LRMDA: variants seen among roughly 807,000 people sequenced by gnomAD.
The protein encoded by LRMDA is leucine-rich melanocyte differentiation-associated protein.
LRMDA carries 18 observed loss-of-function variants against 29.8 expected under a neutral mutation model. The ratio of observed to expected loss-of-function variants is 0.60; its 90% CI spans 0.42 to 0.90. The LOEUF (loss-of-function observed/expected upper bound fraction) is 0.90. Ranked by LOEUF, LRMDA falls within the 40% of genes least tolerant of loss-of-function variation. The probability of loss-of-function intolerance (pLI) is 0.00; values close to 1 mark genes in which losing one functional copy is unlikely to be tolerated. For missense variants in LRMDA, 273 were observed against 273.9 expected (o/e 1.00, Z 0.02); for synonymous variants, 125 against 109.4 (o/e 1.14, Z -0.89).
intron 2 of LRMDA, among the ~76,000 whole-genome samples, chr10:75,476,449 G>A (rs886868716): frequency 3.3e-5 from 5 of 152,122 alleles, no homozygotes; most frequent in Non-Finnish European, 5.9e-5. Flanking sequence ...TAGTGGTGCA[G>A]CCATCCTCCT....
intron 5 of LRMDA, among the ~76,000 whole-genome samples, chr10:76,156,555 G>A (rs1248914656): frequency 1.4e-5 from 2 of 144,288 alleles, no homozygotes; most frequent in East Asian, 4.2e-4. Flanking sequence ...ATGACAGGAA[G>A]AGTTGCTGAA....
chr10:76,148,367 A>T lies in LRMDA; in HGVS notation c.516+89584A>T, dbSNP rs150723001. On this transcript the variant is annotated intron_variant, in intron 5 of 6. Coordinates refer to ENST00000611255, the MANE Select transcript of LRMDA (RefSeq NM_001305581.2). ...AGCTTCCCGGCTGCTTTGTTTACCT[A>T]ATCAAACAACTAACTGGGCAATGGC... 6.7e-3 allele frequency among the ~76,000 whole-genome samples: 1,015 copies of T among 152,234 alleles called. 11 individuals carry two copies. The highest frequency in any genetic ancestry group is 0.023 in the African/African-American group (956 of 41,530).
At chr10:76,296,340 G>A (rs1400657724) in intron 5 of LRMDA, among the ~76,000 whole-genome samples, 2 of 152,188 alleles carry the variant, frequency 1.3e-5, no homozygotes, top group African/African-American at 4.8e-5. Context: ...CAGAGCCATA[G>A]GCAGATGTGC....
Position 75,822,632 on chromosome 10 carries a change from G to A in LRMDA, c.132-213376G>A, listed in dbSNP as rs369087277. On this transcript the variant is annotated intron_variant, in intron 2 of 6. Transcript: ENST00000611255. ...AAATTATACTTGGAAAAATAGAACT[G>A]AATAGAGAACCCAGAAATATTACTT... Among the ~76,000 whole-genome samples the A allele has an allele frequency of 1.5e-4, 23 of 152,090 alleles. No homozygotes were observed. The South Asian group carries it at 4.8e-3, about 32-fold the overall frequency.
intron 2 of LRMDA, among the ~76,000 whole-genome samples, chr10:75,847,802 A>G (rs1372955023): frequency 6.6e-6 from 1 of 152,188 alleles, no homozygotes; most frequent in Non-Finnish European, 1.5e-5. Context: ...AATAAATGGA[A>G]AGACATCCTC....
intron 2 of LRMDA, among the ~76,000 whole-genome samples, chr10:75,636,352 T>C (rs1379522595): frequency 6.6e-6 from 1 of 152,218 alleles, no homozygotes; most frequent in Non-Finnish European, 1.5e-5. Flanking sequence ...AATCATGTAA[T>C]CTTGTTCCTT....
intron 5 of LRMDA, among the ~76,000 whole-genome samples, chr10:76,133,663 C>T (rs977232261): frequency 6.6e-6 from 1 of 152,198 alleles, no homozygotes. Flanking sequence ...TTAATTCTTC[C>T]CTCCTCTCAC....
At position 76,496,407 on chromosome 10, in the gene LRMDA, G is replaced by A. The variant is rs1303615266; in HGVS notation, c.602-60802G>A. On this transcript the variant is annotated intron_variant, in intron 6 of 6. Transcript: ENST00000611255. ...ATCTTACCCTCCCAGCTCCATCTCA[G>A]CAAACTGAAGCAATGCTTGAAAATA... 5.3e-5 allele frequency among the ~76,000 whole-genome samples: 4 copies of A among 75,294 alleles called. 2 individuals are homozygous for A. Among genetic ancestry groups the A allele is most frequent in the Non-Finnish European group, 1.8e-4 (4 of 22,644 alleles). 49.4% of individuals were successfully genotyped at this position (75,294 alleles called of 152,430 possible).
chr10:75,857,830 C>A (rs1367867374), intron 2 of LRMDA, among the ~76,000 whole-genome samples: 2 of 152,186 alleles, frequency 1.3e-5, no homozygotes, highest in African/African-American at 2.4e-5. Flanking sequence ...ATGCACAGGT[C>A]TTTCAGACGA....
intron 2 of LRMDA, among the ~76,000 whole-genome samples, chr10:75,596,489 CA>C (rs1207131760): frequency 2.0e-5 from 3 of 152,128 alleles, no homozygotes; most frequent in African/African-American, 4.8e-5. Context: ...GCACTTACAA[CA>C]AACCCTCAAA....
chr10:76,255,053 C>T (rs983147238), intron 5 of LRMDA, among the ~76,000 whole-genome samples: 1 of 152,178 alleles, frequency 6.6e-6, no homozygotes, highest in Non-Finnish European at 1.5e-5. Flanking sequence ...CTGCTCATAG[C>T]CAGCAACATG....
chr10:76,090,163 G>A lies in LRMDA; in HGVS notation c.516+31380G>A, dbSNP rs183307189. Among the ~76,000 whole-genome samples, 216 of 152,246 alleles carry A rather than the reference G, an allele frequency of 1.4e-3. 2 individuals are homozygous for A. Among genetic ancestry groups the A allele is most frequent in the African/African-American group, 4.9e-3 (204 of 41,550 alleles). On this transcript the variant is annotated intron_variant, in intron 5 of 6. Coordinates refer to ENST00000611255, the MANE Select transcript of LRMDA (RefSeq NM_001305581.2). ...TATATGGGGGAATGTCTCAGGGGTC[G>A]GTGCAGCCCCTCCGAGCAGTGAGGA...
At chr10:76,322,044 G>A (rs1840777978) in intron 5 of LRMDA, among the ~76,000 whole-genome samples, 1 of 152,086 alleles carries the variant, frequency 6.6e-6, no homozygotes. Context: ...CTCATTTTAG[G>A]CATATCTTCT....
At chr10:75,904,256 G>A (rs1290739816) in intron 2 of LRMDA, among the ~76,000 whole-genome samples, 2 of 152,190 alleles carry the variant, frequency 1.3e-5, no homozygotes, top group Admixed American at 1.3e-4. Flanking sequence ...GGGATGAGCT[G>A]GTGGCCCTGA....
At chr10:76,300,011 C>T (rs954118336) in intron 5 of LRMDA, among the ~76,000 whole-genome samples, 2 of 152,150 alleles carry the variant, frequency 1.3e-5, no homozygotes, top group African/African-American at 4.8e-5. Context: ...TGTTCTAAAA[C>T]TAGGGGTAGT....
chr10:75,586,816 A>T, intron 2 of LRMDA, among the ~76,000 whole-genome samples: 1 of 76,568 alleles, frequency 1.3e-5, no homozygotes, highest in Non-Finnish European at 2.6e-5. Context: ...TAATTGGGTT[A>T]TTAGGTTTTT....
intron 5 of LRMDA, among the ~76,000 whole-genome samples, chr10:76,210,312 G>T (rs902708494): frequency 1.3e-5 from 2 of 152,148 alleles, no homozygotes; most frequent in Admixed American, 6.5e-5. Flanking sequence ...GCTAAATAAT[G>T]ATTGCATTCG....
chr10:76,062,474 G>A (rs1164664242), intron 5 of LRMDA, among the ~76,000 whole-genome samples: 1 of 152,146 alleles, frequency 6.6e-6, no homozygotes, highest in Non-Finnish European at 1.5e-5. Context: ...GCTGGCGCTT[G>A]AGTGCAAGTC....
intron 2 of LRMDA, among the ~76,000 whole-genome samples, chr10:75,917,344 T>A (rs1049617620): frequency 6.6e-6 from 1 of 152,170 alleles, no homozygotes; most frequent in Non-Finnish European, 1.5e-5. Flanking sequence ...CCAAGCAGCA[T>A]GGGTCTCGGC....
Sources: allele counts gnomAD v4.1 joint callset (sites outside exome capture counted in the v4.1 genomes callset), GRCh38; gene constraint gnomAD v4.1.1; transcripts MANE v1.5; gene names NCBI Gene and HGNC (gene_info 2026-07-23, HGNC 2026-07-21).